The following OPA3 variants were observed in gnomAD, a reference collection of about 807,000 sequenced individuals.
OPA3 encodes optic atrophy 3 protein.
OPA3 carries 6 observed loss-of-function variants against 4.0 expected under a neutral mutation model. That is an observed-to-expected ratio of 1.51 (90% CI 0.83 to 2.99). OPA3 has a LOEUF of 2.99. Among genes scored for constraint, OPA3 ranks in the 30% most tolerant of loss-of-function variants. The probability of loss-of-function intolerance (pLI) is 0.00; values close to 1 mark genes in which losing one functional copy is unlikely to be tolerated. For missense variants in OPA3, 235 were observed against 256.2 expected (o/e 0.92, Z 0.56); for synonymous variants, 105 against 117.1 (o/e 0.90, Z 0.67).
In OPA3 at chr19:45,550,094, G is replaced by T; in HGVS notation, c.*3420C>A. 1 of 604,254 alleles carries T rather than the reference G, an allele frequency of 1.7e-6. No homozygotes were observed. The highest frequency in any genetic ancestry group is 2.1e-6 in the Non-Finnish European group (1 of 481,626). 37.4% of individuals were successfully genotyped at this position (604,254 alleles called of 1,614,324 possible). On this transcript the variant is annotated 3_prime_UTR_variant, in exon 2 of 2. Transcript: ENST00000263275. ...CATTGGTTGAGCCTGGGAGGTAGAAGTTGCAGTGAGCCGAGATTGCACCAC... is the reference window on the plus strand; with the variant it reads ...CATTGGTTGAGCCTGGGAGGTAGAATTTGCAGTGAGCCGAGATTGCACCAC...
Position 45,552,058 on chromosome 19 carries a change from G to A in OPA3, c.*1456C>T. 7.1e-6 allele frequency: 7 copies of A among 985,462 alleles called. No homozygotes were observed. The highest frequency in any genetic ancestry group is 8.4e-6 in the Non-Finnish European group (7 of 830,006). 61.0% of individuals were successfully genotyped at this position (985,462 alleles called of 1,614,324 possible). A position where few individuals can be genotyped will look rare whatever the true frequency, so the allele number is the denominator to read the frequency against. Reference sequence around the variant, plus strand: ...GGATCAAATTTCCCACCACGGAAAGGGGGGTTGGAGGACATTCACAGAAAA... The same window carrying A: ...GGATCAAATTTCCCACCACGGAAAGAGGGGTTGGAGGACATTCACAGAAAA... On this transcript the variant is annotated 3_prime_UTR_variant, in exon 2 of 2. Coordinates refer to ENST00000263275, the MANE Select transcript of OPA3 (RefSeq NM_025136.4).
intron 1 of OPA3, among the ~76,000 whole-genome samples, chr19:45,575,096 G>T (rs569886492): frequency 6.6e-6 from 1 of 152,144 alleles, no homozygotes; most frequent in South Asian, 2.1e-4. Context: ...GAGTGACTGG[G>T]TTTTTTGTTT....
Position 45,572,654 on chromosome 19 carries a change from C to CT in OPA3, c.142+11968_142+11969insA, listed in dbSNP as rs920828860. Among the ~76,000 whole-genome samples, 6 of 133,326 alleles carry CT rather than the reference C, an allele frequency of 4.5e-5. No individual in the cohort carries two copies. In the Admixed American group the frequency reaches 4.8e-4, roughly 11 times the overall value. The allele number at this position is 133,326 out of a possible 152,430, so 87.5% of individuals were successfully genotyped here. On this transcript the variant is annotated intron_variant, in intron 1 of 1. Coordinates refer to ENST00000263275, the MANE Select transcript of OPA3 (RefSeq NM_025136.4). Reference sequence around the variant, plus strand: ...TATAAATATATATATCGATATATATCATATATATCTATATGAGATATATAT... The same window carrying CT: ...TATAAATATATATATCGATATATATCTATATATATCTATATGAGATATATAT...
chr19:45,565,688 A>G (rs945445696), intron 1 of OPA3, among the ~76,000 whole-genome samples: 4 of 151,918 alleles, frequency 2.6e-5, no homozygotes, highest in African/African-American at 9.7e-5. Flanking sequence ...GTTTCACCAT[A>G]TTGGTAAGGC....
chr19:45,569,185 G>C (rs939377540), intron 1 of OPA3, among the ~76,000 whole-genome samples: 3 of 152,122 alleles, frequency 2.0e-5, no homozygotes, highest in African/African-American at 7.2e-5. Flanking sequence ...AGGGCCGAGC[G>C]CTGTGGCTCA....
rs772116334 is a variant in OPA3, at chr19:45,553,702, C to G, written c.352G>C (p.Ala118Pro). Residue 118 changes from alanine (A) to proline (P), a missense_variant, in exon 2 of 2, where the codon GCC (alanine) becomes CCC (proline). Ala to Pro is a conservative substitution (Grantham distance 27, BLOSUM62 -1). Transcript: ENST00000263275. The part of the protein sequence containing the change: ...QRHKEEEQRA[A>P]WNALRDEVGH... ...ACCTCGTCCCGCAGCGCGTTCCAGG[C>G]AGCACGCTGCTCCTCCTCCTTGTGG... The G allele has an allele frequency of 1.2e-6, 2 of 1,607,920 alleles. No homozygotes were observed. Among genetic ancestry groups the G allele is most frequent in the Non-Finnish European group, 1.7e-6 (2 of 1,179,156 alleles).
chr19:45,563,978 C>G (rs1436364716), intron 1 of OPA3, among the ~76,000 whole-genome samples: 1 of 152,044 alleles, frequency 6.6e-6, no homozygotes, highest in African/African-American at 2.4e-5. Context: ...GTGTGCACCA[C>G]TGTGCCTGAC....
intron 1 of OPA3, among the ~76,000 whole-genome samples, chr19:45,562,351 A>C (rs1333021449): frequency 7.0e-6 from 1 of 142,794 alleles, no homozygotes; most frequent in Non-Finnish European, 1.5e-5. Flanking sequence ...CTCAAAAAAA[A>C]AAAAAAAAAA....
At position 45,559,397 on chromosome 19, in the gene OPA3, C is replaced by CTTTTTTTTTTTT. The variant is rs71338781; in HGVS notation, c.143-5498_143-5487dup. Among the ~76,000 whole-genome samples the CTTTTTTTTTTTT allele has an allele frequency of 4.0e-4, 24 of 59,904 alleles. 1 individual carries two copies. The highest frequency in any genetic ancestry group is 5.1e-4 in the Admixed American group (2 of 3,890). 39.3% of individuals were successfully genotyped at this position (59,904 alleles called of 152,430 possible). On this transcript the variant is annotated intron_variant, in intron 1 of 1. Coordinates refer to ENST00000263275, the MANE Select transcript of OPA3 (RefSeq NM_025136.4). Reference sequence around the variant, plus strand: ...CTCTCTTCTTTCCCTCTTTTTCTTTCTTTTTTTTTTTTTTTTTTTTTTGAG... The same window carrying CTTTTTTTTTTTT: ...CTCTCTTCTTTCCCTCTTTTTCTTTCTTTTTTTTTTTTTTTTTTTTTTTTTTTTTTTTTTGAG...
chr19:45,571,816 C>G, intron 1 of OPA3, among the ~76,000 whole-genome samples: 1 of 152,108 alleles, frequency 6.6e-6, no homozygotes, highest in East Asian at 1.9e-4. Flanking sequence ...CTCCCCAATC[C>G]TCTTGGCAGT....
intron 1 of OPA3, among the ~76,000 whole-genome samples, chr19:45,579,989 CTTTTTTTT>C (rs869294945): frequency 8.3e-6 from 1 of 121,168 alleles, no homozygotes. Flanking sequence ...CATTTTCTTT[CTTTTTTTT>C]TTTCTTTTTT....
chr19:45,561,225 C>A (rs944568900), intron 1 of OPA3, among the ~76,000 whole-genome samples: 3 of 152,032 alleles, frequency 2.0e-5, no homozygotes, highest in Non-Finnish European at 4.4e-5. Flanking sequence ...CCCAGCTACT[C>A]GGGAGGCTGG....
chr19:45,530,073 G>T (rs747638602), intron 1 of OPA3, among the ~76,000 whole-genome samples: 1 of 152,108 alleles, frequency 6.6e-6, no homozygotes, highest in Non-Finnish European at 1.5e-5. Flanking sequence ...TTCATACTTC[G>T]CTGGGCGCGG....
chr19:45,555,739 C>T (rs1028870667), intron 1 of OPA3, among the ~76,000 whole-genome samples: 16 of 152,162 alleles, frequency 1.1e-4, no homozygotes, highest in African/African-American at 2.9e-4. Context: ...GATCCACCCA[C>T]CTCGGCCTCC....
At chr19:45,543,749 G>A (rs1349961896), downstream of OPA3, among the ~76,000 whole-genome samples, 1 of 152,178 alleles carries the variant, frequency 6.6e-6, no homozygotes, top group Non-Finnish European at 1.5e-5. Context: ...TTACAGGTGT[G>A]AACACTGCAA....
Position 45,547,962 on chromosome 19 carries a change from G to T in OPA3, c.*5552C>A. On this transcript the variant is annotated 3_prime_UTR_variant, in exon 2 of 2. Transcript: ENST00000263275. Reference sequence around the variant, plus strand: ...TTGGCCCGCCTCGGCCTCCCAAAGTGCTGAGATTACAGGTGTGAGCCACCA... The same window carrying T: ...TTGGCCCGCCTCGGCCTCCCAAAGTTCTGAGATTACAGGTGTGAGCCACCA... The T allele has an allele frequency of 3.5e-6, 1 of 287,098 alleles. No individual in the cohort carries two copies. The highest frequency in any genetic ancestry group is 5.2e-6 in the Non-Finnish European group (1 of 191,674). The allele number at this position is 287,098 out of a possible 1,614,324, so 17.8% of individuals were successfully genotyped here. A position where few individuals can be genotyped will look rare whatever the true frequency, so the allele number is the denominator to read the frequency against.
At chr19:45,578,767 TG>T (rs1969804835) in intron 1 of OPA3, among the ~76,000 whole-genome samples, 1 of 152,112 alleles carries the variant, frequency 6.6e-6, no homozygotes, top group Non-Finnish European at 1.5e-5. Flanking sequence ...GCGGAAGTTG[TG>T]GTGAGCCAAG....
intron 1 of OPA3, among the ~76,000 whole-genome samples, chr19:45,557,676 C>T (rs1969441754): frequency 6.6e-6 from 1 of 152,194 alleles, no homozygotes; most frequent in Admixed American, 6.5e-5. Flanking sequence ...TGTCCTGGTC[C>T]AGGATCCATC....
At chr19:45,559,699 G>A (rs759184710) in intron 1 of OPA3, among the ~76,000 whole-genome samples, 2 of 151,956 alleles carry the variant, frequency 1.3e-5, no homozygotes, top group African/African-American at 2.4e-5. Context: ...CACCGCACCT[G>A]GCCCCCTCCA....
Sources: gnomAD v4.1 joint callset for allele counts (sites outside exome capture counted in the v4.1 genomes callset) on GRCh38, gnomAD v4.1.1 for gene constraint, MANE v1.5 for transcripts, NCBI Gene and HGNC (gene_info 2026-07-23, HGNC 2026-07-21) for gene names.